The following COL4A1 variants were observed in gnomAD, a reference collection of about 807,000 sequenced individuals.
COL4A1 encodes the protein collagen type IV alpha 1 chain.
COL4A1 carries 40 observed loss-of-function variants against 216.6 expected under a neutral mutation model. The observed-to-expected ratio is 0.18, with a 90% CI of 0.14 to 0.24. The LOEUF is 0.24. Ranked by LOEUF, COL4A1 falls within the 10% of genes least tolerant of loss-of-function variation. The pLI is 1.00. For missense variants in COL4A1, 1,628 were observed against 2,196.8 expected (o/e 0.74, Z 5.18); for synonymous variants, 839 against 810.7 (o/e 1.03, Z -0.59).
intron 1 of COL4A1, among the ~76,000 whole-genome samples, chr13:110,269,716 A>AC (rs1190967730): frequency 6.6e-6 from 1 of 152,060 alleles, no homozygotes; most frequent in Non-Finnish European, 1.5e-5. Context: ...GTGCCAGCTG[A>AC]CCACAGGGCG....
intron 20 of COL4A1, among the ~76,000 whole-genome samples, chr13:110,199,596 C>A (rs879323076): frequency 1.3e-5 from 2 of 152,198 alleles, no homozygotes; most frequent in African/African-American, 4.8e-5. Context: ...ACGAGGCCAA[C>A]CAGACCCTCA....
In COL4A1 at chr13:110,198,622, A is replaced by T; in HGVS notation, c.1130T>A (p.Val377Glu). 6.2e-7 allele frequency: 1 copy of T among 1,614,044 alleles called. No homozygotes were observed. Among genetic ancestry groups the T allele is most frequent in the Non-Finnish European group, 8.5e-7 (1 of 1,180,012 alleles). Residue 377 changes from valine to glutamate, a missense_variant, in exon 21 of 52, where the codon GTA becomes GAA. By Grantham distance (121) the Val-to-Glu change is moderately radical (BLOSUM62 -2). This residue lies in a region of COL4A1 where 701 missense variants were observed against 892.5 expected (regional missense o/e 0.79). Transcript: ENST00000375820. ...GCCAGGGGCACCAGCCTGCCCAGGTACAGGGAGGCCTGCAACCAGACAGAA... is the reference window on the plus strand; with the variant it reads ...GCCAGGGGCACCAGCCTGCCCAGGTTCAGGGAGGCCTGCAACCAGACAGAA... The part of the protein sequence containing the change: ...PGQPGPPGLP[V>E]PGQAGAPGFP...
In COL4A1 at chr13:110,167,170, G is replaced by T; in HGVS notation, c.3937C>A (p.Pro1313Thr). 1 of 1,613,936 alleles carries T rather than the reference G, an allele frequency of 6.2e-7. No homozygotes were observed. The highest frequency in any genetic ancestry group is 8.5e-7 in the Non-Finnish European group (1 of 1,179,836). Residue 1313 changes from proline (P) to threonine (T), a missense_variant, in exon 44 of 52, where the codon CCA becomes ACA. This residue lies in a region of COL4A1 where 345 missense variants were observed against 476.9 expected (regional missense o/e 0.72). Coordinates refer to ENST00000375820, the MANE Select transcript of COL4A1 (RefSeq NM_001845.6). ...SKGDMGPPGV[P>T]GFQGPKGLPG... ...TGTGCTGTCTTACCTTGAAATCCTG[G>T]AACTCCTGGAGGCCCCATATCACCC...
chr13:110,187,383 A>T (rs1878451147), intron 24 of COL4A1, 54 bp from the exon 25 acceptor site: 1 of 1,595,858 alleles, frequency 6.3e-7, no homozygotes, highest in Admixed American at 1.7e-5. Context: ...GAAGCACACC[A>T]GTGTGACTGT....
chr13:110,209,060 A>C (rs1390803691), intron 11 of COL4A1, among the ~76,000 whole-genome samples, 170 bp from the exon 12 acceptor site: 1 of 152,256 alleles, frequency 6.6e-6, no homozygotes, highest in South Asian at 2.1e-4. Context: ...TTCAATGTCT[A>C]TGAAAAAGTT....
intron 49 of COL4A1, among the ~76,000 whole-genome samples, chr13:110,159,088 T>A (rs572421813): frequency 2.8e-4 from 42 of 152,298 alleles, no homozygotes; most frequent in African/African-American, 9.4e-4. Context: ...GAGAGGACAG[T>A]CATGTTATTT....
Position 110,177,837 on chromosome 13 carries a change from C to T in COL4A1, c.2716+5G>A. The T allele has an allele frequency of 1.9e-6, 3 of 1,614,026 alleles. No individual in the cohort carries two copies. Among genetic ancestry groups the T allele is most frequent in the Non-Finnish European group, 2.5e-6 (3 of 1,179,994 alleles). On this transcript the variant is annotated splice_donor_5th_base_variant and intron_variant, in intron 33 of 51. Transcript: ENST00000375820. ...ATGAGCTTCTAGGGTTATCAGCTCC[C>T]CTACCTTTTTCACCCGGTAATCCAG...
Position 110,176,972 on chromosome 13 carries a change from C to G in COL4A1, c.2782G>C (p.Asp928His), listed in dbSNP as rs2139163073. 1 of 1,614,134 alleles carries G rather than the reference C, an allele frequency of 6.2e-7. No individual in the cohort carries two copies. The highest frequency in any genetic ancestry group is 8.5e-7 in the Non-Finnish European group (1 of 1,180,028). Residue 928 changes from aspartate (D) to histidine (H), a missense_variant, in exon 34 of 52, where the codon GAT becomes CAT. This residue lies in a region of COL4A1 where 701 missense variants were observed against 892.5 expected (regional missense o/e 0.79). Coordinates refer to ENST00000375820, the MANE Select transcript of COL4A1 (RefSeq NM_001845.6). ...CCAGGCTTGCCAGGGAGACCGACATCCCCCTTATCACCTTTCAAGCCAGGG... is the reference window on the plus strand; with the variant it reads ...CCAGGCTTGCCAGGGAGACCGACATGCCCCTTATCACCTTTCAAGCCAGGG... ...GDPGLKGDKG[D>H]VGLPGKPGSM...
chr13:110,267,252 G>C (rs1883076298), intron 1 of COL4A1, among the ~76,000 whole-genome samples: 1 of 152,166 alleles, frequency 6.6e-6, no homozygotes, highest in African/African-American at 2.4e-5. Context: ...GGGAGCCCCT[G>C]CATGACCCAG....
intron 2 of COL4A1, among the ~76,000 whole-genome samples, chr13:110,238,686 C>T (rs978461360): frequency 2.0e-5 from 3 of 152,082 alleles, no homozygotes; most frequent in African/African-American, 7.2e-5. Flanking sequence ...TTTAAATTCC[C>T]TTTTTTGGAC....
At chr13:110,169,234 T>C (rs1167594478) in intron 43 of COL4A1, among the ~76,000 whole-genome samples, 1 of 152,194 alleles carries the variant, frequency 6.6e-6, no homozygotes, top group Admixed American at 6.5e-5. Context: ...CTCCTGCCAG[T>C]CCTAAGAGAT....
rs1175960474 is a variant in COL4A1 at position 110,268,534 on chromosome 13, G to GT, written c.85-25801dup. 6.6e-6 allele frequency among the ~76,000 whole-genome samples: 1 copy of GT among 152,228 alleles called. No individual in the cohort carries two copies. Among genetic ancestry groups the GT allele is most frequent in the Non-Finnish European group, 1.5e-5 (1 of 68,042 alleles). Reference sequence around the variant, plus strand: ...TTCACTGCTGTGCCAGAAAAACTTGGTCATTTGGCTTCTGCAGATGACTTC... The same window carrying GT: ...TTCACTGCTGTGCCAGAAAAACTTGGTTCATTTGGCTTCTGCAGATGACTTC... On this transcript the variant is annotated intron_variant, in intron 1 of 51. Transcript: ENST00000375820. The surrounding 1 kb of genome is among the most constrained non-coding windows in gnomAD (Gnocchi z 4.1).
intron 1 of COL4A1, among the ~76,000 whole-genome samples, chr13:110,293,197 C>A (rs760625067): frequency 6.6e-6 from 1 of 152,126 alleles, no homozygotes; most frequent in Admixed American, 6.5e-5. Flanking sequence ...AGTCCCAAAG[C>A]TTAGGCAAAC....
intron 19 of COL4A1, 72 bp downstream of exon 19, chr13:110,201,366 C>T (rs1409734061): frequency 9.1e-5 from 95 of 1,048,110 alleles, no homozygotes; most frequent in Non-Finnish European, 1.2e-4. Flanking sequence ...AGGAAGAGGA[C>T]GAGGAGGAGG....
rs1334337576 is a variant in COL4A1, at chr13:110,207,553, CAG to C, written c.694-66_694-65del. ...ACAATTATGCAGACATGAAAAATTG[CAG>C]AGAGAGGTAAAAGCCTAAAATAAAA... On this transcript the variant is annotated intron_variant, in intron 12 of 51. Transcript: ENST00000375820. The surrounding 1 kb of genome is among the most constrained non-coding windows in gnomAD (Gnocchi z 4.4). 1.5e-6 allele frequency: 2 copies of C among 1,329,856 alleles called. No homozygotes were observed. The highest frequency in any genetic ancestry group is 1.2e-5 in the South Asian group (1 of 84,460). The allele number at this position is 1,329,856 out of a possible 1,614,324, so 82.4% of individuals were successfully genotyped here.
chr13:110,170,612 G>T lies in COL4A1; in HGVS notation c.3677C>A (p.Ser1226Tyr), dbSNP rs1035844498. The T allele has an allele frequency of 6.2e-6, 10 of 1,611,966 alleles. No individual in the cohort carries two copies. The Admixed American group carries it at 1.2e-4, about 19-fold the overall frequency. ...GGGCCCCTCCGTGGCATGGCCTGGG[G>T]ATCCCGGTAACCCCGGCTGTCCCTG... is the stretch of plus-strand genomic sequence containing the variant. Reference protein sequence around the residue: ...GPQGQPGLPGSPGHATEGPKG... With the variant: ...GPQGQPGLPGYPGHATEGPKG... Residue 1226 changes from serine (S) to tyrosine (Y), a missense_variant, in exon 42 of 52, where the codon TCC becomes TAC. Physicochemically the swap from Ser to Tyr is moderately radical, Grantham distance 144. Transcript: ENST00000375820.
chr13:110,242,933 TA>T (rs971345691), intron 1 of COL4A1, among the ~76,000 whole-genome samples, 199 bp from the exon 2 acceptor site: 6 of 149,854 alleles, frequency 4.0e-5, no homozygotes, highest in Non-Finnish European at 7.4e-5. Flanking sequence ...CCCAAATAGA[TA>T]AAAAAAAATC....
At chr13:110,172,596 T>A (rs1241414975) in intron 41 of COL4A1, 124 bp downstream of exon 41, 1 of 904,996 alleles carries the variant, frequency 1.1e-6, no homozygotes, top group Admixed American at 1.7e-5. Context: ...TCAGCACCCA[T>A]CCTCCATCCC....
At chr13:110,170,821 G>T in intron 41 of COL4A1, 89 bp from the exon 42 acceptor site, 1 of 1,420,412 alleles carries the variant, frequency 7.0e-7, no homozygotes, top group Non-Finnish European at 9.8e-7. Flanking sequence ...GATGAGGCGT[G>T]CCTCATCCTG....
Sources: allele counts gnomAD v4.1 joint callset (sites outside exome capture counted in the v4.1 genomes callset), GRCh38; gene constraint gnomAD v4.1.1; regional missense constraint gnomAD v4.1.1; non-coding constraint Gnocchi (gnomAD v3.1); transcripts MANE v1.5; gene names NCBI Gene and HGNC (gene_info 2026-07-23, HGNC 2026-07-21).